The following TMTC2 variants were observed in gnomAD, a reference collection of about 807,000 sequenced individuals.
TMTC2 encodes the protein transmembrane O-mannosyltransferase targeting cadherins 2, also known as protein O-mannosyl-transferase TMTC2.
TMTC2 carries 43 observed loss-of-function variants against 82.4 expected under a neutral mutation model. The observed-to-expected ratio is 0.52, with a 90% CI of 0.41 to 0.67. The LOEUF is 0.67. Ranked by LOEUF, TMTC2 falls within the 30% of genes least tolerant of loss-of-function variation. The probability of loss-of-function intolerance (pLI) is 0.00; values close to 1 mark genes in which losing one functional copy is unlikely to be tolerated. For missense variants in TMTC2, 919 were observed against 1,012.4 expected, an observed-to-expected ratio of 0.91 and a Z score of 1.25; for synonymous variants, 408 against 381.9, an observed-to-expected ratio of 1.07 and a Z score of -0.80.
At chr12:83,063,201 A>G (rs1882803449) in intron 11 of TMTC2, among the ~76,000 whole-genome samples, 1 of 151,692 alleles carries the variant, frequency 6.6e-6, no homozygotes, top group South Asian at 2.1e-4. Flanking sequence ...TTCCCTGTGT[A>G]TTCAGAGATA....
At chr12:82,847,794 A>AG (rs1294306483) in intron 1 of TMTC2, among the ~76,000 whole-genome samples, 5 of 151,746 alleles carry the variant, frequency 3.3e-5, no homozygotes, top group African/African-American at 1.2e-4. Context: ...GGGGCCTGTC[A>AG]GGGGGTGTGG....
chr12:82,704,728 T>A (rs551288509), intron 1 of TMTC2, among the ~76,000 whole-genome samples: 6 of 152,248 alleles, frequency 3.9e-5, no homozygotes, highest in African/African-American at 1.4e-4. Flanking sequence ...TTACTTCAGT[T>A]GTAGCTAATT....
intron 1 of TMTC2, among the ~76,000 whole-genome samples, chr12:82,722,898 A>G (rs746162388): frequency 1.3e-5 from 2 of 152,230 alleles, no homozygotes; most frequent in Non-Finnish European, 2.9e-5. Context: ...GATTTTACTC[A>G]GTGTCAGTAA....
chr12:82,844,361 C>G (rs1039820622), intron 1 of TMTC2, among the ~76,000 whole-genome samples: 3 of 152,208 alleles, frequency 2.0e-5, no homozygotes, highest in Admixed American at 6.5e-5. Flanking sequence ...CTTGCCATGC[C>G]TGCATCCTTA....
intron 1 of TMTC2, among the ~76,000 whole-genome samples, chr12:82,765,724 CAA>C (rs1264294858): frequency 1.3e-5 from 2 of 151,132 alleles, no homozygotes; most frequent in African/African-American, 4.9e-5. Flanking sequence ...CAAAAAAAAA[CAA>C]AGAAAAAACA....
chr12:82,876,632 A>G (rs1289822575), intron 2 of TMTC2, among the ~76,000 whole-genome samples: 2 of 152,244 alleles, frequency 1.3e-5, no homozygotes, highest in African/African-American at 4.8e-5. Context: ...TTCCATAAAT[A>G]CATTCTAATA....
intron 2 of TMTC2, among the ~76,000 whole-genome samples, chr12:82,885,448 T>C (rs189259102): frequency 1.3e-5 from 2 of 152,074 alleles, no homozygotes; most frequent in East Asian, 3.9e-4. Context: ...GAGCTCACTG[T>C]AGTCTTGATT....
chr12:82,706,949 G>A (rs952605492), intron 1 of TMTC2, among the ~76,000 whole-genome samples: 2 of 152,116 alleles, frequency 1.3e-5, no homozygotes, highest in African/African-American at 2.4e-5. Flanking sequence ...AGTTTGGCAC[G>A]CCTGTATTTG....
At chr12:82,749,013 G>A (rs1317673609) in intron 1 of TMTC2, among the ~76,000 whole-genome samples, 1 of 152,194 alleles carries the variant, frequency 6.6e-6, no homozygotes, top group Non-Finnish European at 1.5e-5. Flanking sequence ...CTCTTAAAAT[G>A]TTTTTAGTGG....
intron 4 of TMTC2, among the ~76,000 whole-genome samples, chr12:82,954,954 A>G (rs1252846898): frequency 2.0e-5 from 3 of 152,226 alleles, no homozygotes; most frequent in Non-Finnish European, 4.4e-5. Flanking sequence ...ATGAAAAATA[A>G]TGTAATCCTT....
chr12:83,077,463 G>C (rs1188746670), intron 11 of TMTC2, among the ~76,000 whole-genome samples: 1 of 152,094 alleles, frequency 6.6e-6, no homozygotes, highest in Non-Finnish European at 1.5e-5. Context: ...AGGTTTATAA[G>C]GATGTCTTCA....
chr12:82,799,017 A>G (rs1282270794), intron 1 of TMTC2, among the ~76,000 whole-genome samples: 1 of 152,102 alleles, frequency 6.6e-6, no homozygotes, highest in South Asian at 2.1e-4. Flanking sequence ...ACCATTCTTT[A>G]CCTTTACAAC....
intron 1 of TMTC2, among the ~76,000 whole-genome samples, chr12:82,722,135 A>G (rs921722400): frequency 6.6e-6 from 1 of 152,216 alleles, no homozygotes. Context: ...CTAATGAATT[A>G]TGCATCAGCT....
intron 11 of TMTC2, among the ~76,000 whole-genome samples, chr12:83,094,700 G>A (rs765954852): frequency 3.2e-4 from 48 of 152,290 alleles, no homozygotes; most frequent in Middle Eastern, 3.4e-3. Context: ...GAGATAAAGT[G>A]GAGATAAAAT....
rs1481180057 is a variant in TMTC2, at chr12:83,134,314, T to C, written c.*1925T>C. 2 of 152,444 alleles carry C rather than the reference T, an allele frequency of 1.3e-5. No individual in the cohort carries two copies. The highest frequency in any genetic ancestry group is 4.8e-5 in the African/African-American group (2 of 41,394). The allele number at this position is 152,444 out of a possible 1,614,324, so 9.4% of individuals were successfully genotyped here. On this transcript the variant is annotated 3_prime_UTR_variant, in exon 12 of 12. Coordinates refer to ENST00000321196, the MANE Select transcript of TMTC2 (RefSeq NM_152588.3). Reference sequence around the variant, plus strand: ...GCAAAAAAAAAAAAGGAATTTAATATAAGGCTATAGAGATTAATTCAGTGT... The same window carrying C: ...GCAAAAAAAAAAAAGGAATTTAATACAAGGCTATAGAGATTAATTCAGTGT...
At chr12:83,105,972 T>A (rs568413183) in intron 11 of TMTC2, among the ~76,000 whole-genome samples, 2 of 152,076 alleles carry the variant, frequency 1.3e-5, no homozygotes, top group African/African-American at 4.8e-5. Flanking sequence ...GAATATAGAA[T>A]AGCGTTGTAT....
At chr12:82,735,999 ACAC>A (rs1565728228) in intron 1 of TMTC2, among the ~76,000 whole-genome samples, 1 of 151,164 alleles carries the variant, frequency 6.6e-6, no homozygotes, top group African/African-American at 2.4e-5. Flanking sequence ...ACACACACAC[ACAC>A]AATTATCTTG....
chr12:82,803,286 AG>A (rs1433480749), intron 1 of TMTC2, among the ~76,000 whole-genome samples: 1 of 152,114 alleles, frequency 6.6e-6, no homozygotes, highest in Non-Finnish European at 1.5e-5. Flanking sequence ...TTGTTACAGT[AG>A]GTAGCTAGCC....
chr12:82,764,622 A>T (rs186981732), intron 1 of TMTC2, among the ~76,000 whole-genome samples: 28 of 152,320 alleles, frequency 1.8e-4, no homozygotes, highest in Admixed American at 1.8e-3. Flanking sequence ...TCAATCGAGA[A>T]AAATGATGAG....
Sources: gnomAD v4.1 joint callset for allele counts (sites outside exome capture counted in the v4.1 genomes callset) on GRCh38, gnomAD v4.1.1 for gene constraint, MANE v1.5 for transcripts, NCBI Gene and HGNC (gene_info 2026-07-23, HGNC 2026-07-21) for gene names.